RACGAP1: variants seen among roughly 807,000 people sequenced by gnomAD.
The protein encoded by RACGAP1 is Rac GTPase activating protein 1, also known as rac GTPase-activating protein 1.
A neutral mutation model predicts 78.1 loss-of-function variants in RACGAP1; 30 were observed. The ratio of observed to expected loss-of-function variants is 0.38; its 90% CI spans 0.29 to 0.52. The LOEUF is 0.52. Among genes scored for constraint, RACGAP1 ranks in the 20% least tolerant of loss-of-function variants. RACGAP1 has a pLI of 0.82. For missense variants in RACGAP1, 587 were observed against 777.1 expected, an observed-to-expected ratio of 0.76 and a Z score of 2.91; for synonymous variants, 231 against 264.8, an observed-to-expected ratio of 0.87 and a Z score of 1.24.
At chr12:50,000,796 T>C (rs1592157268) in intron 7 of RACGAP1, among the ~76,000 whole-genome samples, 1 of 152,168 alleles carries the variant, frequency 6.6e-6, no homozygotes, top group Non-Finnish European at 1.5e-5. Flanking sequence ...ACGCCTGTAA[T>C]CCCAGCACTT....
At chr12:50,016,741 A>G (rs1403346350) in intron 1 of RACGAP1, 22 bp from the exon 2 acceptor site, 1 of 1,610,086 alleles carries the variant, frequency 6.2e-7, no homozygotes, top group East Asian at 2.2e-5. Flanking sequence ...TCAAATATAC[A>G]TTAGGGGTCC....
chr12:50,009,381 G>C (rs1415292072), intron 2 of RACGAP1, among the ~76,000 whole-genome samples: 1 of 152,012 alleles, frequency 6.6e-6, no homozygotes, highest in African/African-American at 2.4e-5. Flanking sequence ...ACAAATTGAG[G>C]GTGATCTTTG....
chr12:50,004,298 TGA>T lies in RACGAP1; in HGVS notation c.430_431del (p.Ser144AsnfsTer3), dbSNP rs1422602040. 6.2e-7 allele frequency: 1 copy of T among 1,603,958 alleles called. No homozygotes were observed. The highest frequency in any genetic ancestry group is 1.1e-5 in the South Asian group (1 of 90,478). ...AAATGGAACCAGATTCATCAATGGT[TGA>T]TAGTCTAGATCAGTGAAACAATACA... ...SSSNAGNKRL[S>X]TIDESGSILS... On this transcript the variant is annotated frameshift_variant, in exon 5 of 17. Coordinates refer to ENST00000312377, the MANE Select transcript of RACGAP1 (RefSeq NM_001319999.2). LOFTEE classifies it high-confidence loss of function.
At chr12:50,006,821 T>C (rs762195037) in intron 2 of RACGAP1, among the ~76,000 whole-genome samples, 185 bp from the exon 3 acceptor site, 5 of 152,222 alleles carry the variant, frequency 3.3e-5, no homozygotes, top group Non-Finnish European at 5.9e-5. Flanking sequence ...ATGAGAACTT[T>C]GTGGGTAGCA....
At chr12:50,019,261 C>A (rs528291871) in intron 1 of RACGAP1, among the ~76,000 whole-genome samples, 2 of 152,178 alleles carry the variant, frequency 1.3e-5, no homozygotes, top group African/African-American at 2.4e-5. Context: ...CTGCTTCAGG[C>A]AGTTGCCACT....
rs575821032 is a variant in RACGAP1 at position 49,996,620 on chromosome 12, A to G, written c.1044+420T>C. On this transcript the variant is annotated intron_variant, in intron 10 of 16. Transcript: ENST00000312377. The stretch of plus-strand genomic sequence containing the variant: ...CCTGCCAGTGCACTCCAGCCTAGGC[A>G]ATAGAGCTAAAAAAAAAAAAAAAAA... 4.9e-3 allele frequency among the ~76,000 whole-genome samples: 619 copies of G among 125,098 alleles called. 2 individuals are homozygous for G. Among genetic ancestry groups the G allele is most frequent in the Admixed American group, 8.9e-3 (100 of 11,200 alleles). The allele number at this position is 125,098 out of a possible 152,430, so 82.1% of individuals were successfully genotyped here. A position where few individuals can be genotyped will look rare whatever the true frequency, so the allele number is the denominator to read the frequency against.
At chr12:49,995,106 T>C (rs1417110800) in intron 10 of RACGAP1, among the ~76,000 whole-genome samples, 2 of 152,102 alleles carry the variant, frequency 1.3e-5, no homozygotes, top group African/African-American at 2.4e-5. Flanking sequence ...CCCAGCACTG[T>C]AGGAGGCCGA....
chr12:50,029,044 T>C (rs891898779), upstream of RACGAP1, among the ~76,000 whole-genome samples: 169 of 151,840 alleles, frequency 1.1e-3, no homozygotes, highest in African/African-American at 4.0e-3. Flanking sequence ...GGTGAAACCC[T>C]GTCTCTACTA....
intron 1 of RACGAP1, chr12:50,021,185 GA>G: frequency 1.1e-6 from 1 of 924,148 alleles, no homozygotes; most frequent in South Asian, 5.0e-5. Context: ...ACACTAATGT[GA>G]AAGGAAACAA....
intron 10 of RACGAP1, among the ~76,000 whole-genome samples, chr12:49,996,086 C>G (rs1226035629): frequency 6.6e-6 from 1 of 151,988 alleles, no homozygotes; most frequent in Non-Finnish European, 1.5e-5. Context: ...CCGAGGCAGG[C>G]GGATCACTTG....
intron 2 of RACGAP1, among the ~76,000 whole-genome samples, chr12:50,030,505 T>G (rs182637783): frequency 2.3e-4 from 35 of 152,098 alleles, no homozygotes; most frequent in Admixed American, 1.8e-3. Context: ...CTGCCCAACA[T>G]GGTGAAGCCC....
At chr12:50,027,307 AT>A (rs756476835), upstream of RACGAP1, among the ~76,000 whole-genome samples, 33 of 152,198 alleles carry the variant, frequency 2.2e-4, 1 homozygote, top group Admixed American at 1.7e-3. Context: ...GATACCTATA[AT>A]AAAATGAAAT....
At chr12:50,022,005 A>G (rs1183356845) in intron 1 of RACGAP1, among the ~76,000 whole-genome samples, 1 of 152,230 alleles carries the variant, frequency 6.6e-6, no homozygotes, top group African/African-American at 2.4e-5. Context: ...AGAGTAAACA[A>G]AATGTTCTCA....
At chr12:49,990,842 CT>C (rs758232255) in intron 15 of RACGAP1, 50 bp from the exon 16 acceptor site, 1 of 1,427,166 alleles carries the variant, frequency 7.0e-7, no homozygotes, top group Admixed American at 1.7e-5. Context: ...AAGAAGGCAT[CT>C]TTTTAGATGG....
In RACGAP1 at chr12:50,001,194, G is replaced by C. The variant is rs758188617; in HGVS notation, c.608C>G (p.Ser203Cys). The C allele has an allele frequency of 1.2e-6, 2 of 1,609,634 alleles. No homozygotes were observed. Among genetic ancestry groups the C allele is most frequent in the Non-Finnish European group, 1.7e-6 (2 of 1,175,966 alleles). The change falls in exon 7 of 17, where the codon TCC becomes TGC. Residue 203 changes from serine to cysteine, a missense_variant. By Grantham distance (112) the Ser-to-Cys change is moderately radical. Transcript: ENST00000312377. ...TACCTGGTCTACTGCAGAGCCAATG[G>C]AACGAGTTTTCTTTACAGGTCCAGG... ...GPPGPVKKTR[S>C]IGSAVDQGNE...
chr12:50,017,961 A>C (rs1949771580), intron 1 of RACGAP1, among the ~76,000 whole-genome samples: 1 of 152,192 alleles, frequency 6.6e-6, no homozygotes, highest in African/African-American at 2.4e-5. Flanking sequence ...GTTCGAGACT[A>C]GCCTGAGCCA....
chr12:49,999,449 A>G, intron 8 of RACGAP1, 167 bp downstream of exon 8: 8 of 1,002,414 alleles, frequency 8.0e-6, no homozygotes, highest in Non-Finnish European at 1.2e-5. Flanking sequence ...TGGGCTAGCA[A>G]TTCAAAGGTA....
At chr12:50,017,938 C>T (rs571468187) in intron 1 of RACGAP1, among the ~76,000 whole-genome samples, 40 of 152,260 alleles carry the variant, frequency 2.6e-4, no homozygotes, top group African/African-American at 9.6e-4. Context: ...GGGCGGATCA[C>T]TTGAGGTCAG....
At chr12:50,029,164 C>T (rs190339169), upstream of RACGAP1, among the ~76,000 whole-genome samples, 6 of 146,500 alleles carry the variant, frequency 4.1e-5, no homozygotes, top group Admixed American at 1.4e-4. Flanking sequence ...TGCAGTGACC[C>T]GAGATCGCGC....
Sources: gnomAD v4.1 joint callset for allele counts (sites outside exome capture counted in the v4.1 genomes callset) on GRCh38, gnomAD v4.1.1 for gene constraint, MANE v1.5 for transcripts, NCBI Gene and HGNC (gene_info 2026-07-23, HGNC 2026-07-21) for gene names.